GRHL1: variants seen among roughly 807,000 people sequenced by gnomAD.
The protein encoded by GRHL1 is grainyhead like transcription factor 1.
A neutral mutation model predicts 75.7 loss-of-function variants in GRHL1; 38 were observed. The ratio of observed to expected loss-of-function variants is 0.50; its 90% CI spans 0.39 to 0.66. The LOEUF is 0.66. Ranked by LOEUF, GRHL1 falls within the 30% of genes least tolerant of loss-of-function variation. The pLI is 0.00. For missense variants in GRHL1, 589 were observed against 767.5 expected (o/e 0.77, Z 2.75); for synonymous variants, 266 against 279.4 (o/e 0.95, Z 0.48).
At chr2:9,962,219 T>C (rs1667309117) in intron 4 of GRHL1, among the ~76,000 whole-genome samples, 1 of 152,196 alleles carries the variant, frequency 6.6e-6, no homozygotes, top group Non-Finnish European at 1.5e-5. Context: ...TCAGAAGCAC[T>C]TAGTGGGAGT....
chr2:9,958,928 G>A, intron 3 of GRHL1, 72 bp downstream of exon 3: 1 of 1,573,426 alleles, frequency 6.4e-7, no homozygotes, highest in Non-Finnish European at 8.6e-7. Flanking sequence ...CAAAATGGGA[G>A]TTTGTTTAAA....
chr2:9,969,369 T>G (rs957305713), intron 8 of GRHL1, among the ~76,000 whole-genome samples: 5 of 152,206 alleles, frequency 3.3e-5, no homozygotes, highest in African/African-American at 1.2e-4. Context: ...TGCTATTACG[T>G]GCTTGGTGCT....
At chr2:9,999,169 A>AGTGACACACACCCTGTGCCAGT (rs1553307528) in intron 15 of GRHL1, 140 bp downstream of exon 15, 2 of 345,356 alleles carry the variant, frequency 5.8e-6, no homozygotes, top group African/African-American at 4.4e-5. Context: ...CTCCTGTGCC[A>AGTGACACACACCCTGTGCCAGT]GTGACACACA....
chr2:9,998,009 G>A (rs980847819), intron 14 of GRHL1, among the ~76,000 whole-genome samples: 11 of 152,134 alleles, frequency 7.2e-5, no homozygotes, highest in African/African-American at 2.7e-4. Context: ...AAAGAAAAAG[G>A]GTTTGTGTGG....
chr2:9,966,485 T>TA (rs1351505206), intron 8 of GRHL1: 1 of 152,216 alleles, frequency 6.6e-6, no homozygotes, highest in African/African-American at 2.4e-5. Context: ...TAGTTTTCCT[T>TA]ACAATATTAG....
chr2:9,975,560 G>C (rs991631754), intron 8 of GRHL1, among the ~76,000 whole-genome samples: 3 of 152,092 alleles, frequency 2.0e-5, no homozygotes, highest in Admixed American at 6.5e-5. Context: ...GATGACCTAG[G>C]AGTTCAAGTC....
chr2:9,952,480 G>A (rs1169475563), intron 1 of GRHL1, among the ~76,000 whole-genome samples: 1 of 152,198 alleles, frequency 6.6e-6, no homozygotes, highest in Non-Finnish European at 1.5e-5. Flanking sequence ...ACAGATTACC[G>A]TGTTTTTAGT....
At chr2:9,989,466 TG>T (rs2125239293) in intron 9 of GRHL1, among the ~76,000 whole-genome samples, 1 of 152,340 alleles carries the variant, frequency 6.6e-6, no homozygotes, top group South Asian at 2.1e-4. Flanking sequence ...TTTGTTGTTG[TG>T]GGTTCAGCTG....
intron 8 of GRHL1, among the ~76,000 whole-genome samples, chr2:9,975,707 G>A (rs542905608): frequency 4.0e-5 from 6 of 149,740 alleles, no homozygotes; most frequent in South Asian, 4.2e-4. Context: ...GTGAAACTCC[G>A]TCTCTAGTAA....
chr2:9,998,424 A>ATGTG lies in GRHL1; in HGVS notation c.1678-519_1678-516dup, dbSNP rs373392159. On this transcript the variant is annotated intron_variant, in intron 14 of 15. Transcript: ENST00000324907. ...AAAACAAAAAGTCGAGTGACTATGCATGTGTGTGTGTGTGTGTGTGTGTGT... is the reference window on the plus strand; with the variant it reads ...AAAACAAAAAGTCGAGTGACTATGCATGTGTGTGTGTGTGTGTGTGTGTGTGTGT... 5.6e-3 allele frequency among the ~76,000 whole-genome samples: 192 copies of ATGTG among 34,440 alleles called. 10 individuals are homozygous for ATGTG. The highest frequency in any genetic ancestry group is 0.014 in the Middle Eastern group (1 of 72). The allele number at this position is 34,440 out of a possible 152,430, so 22.6% of individuals were successfully genotyped here.
rs1189384028 is a variant in GRHL1 at position 9,983,286 on chromosome 2, G to A, written c.1111-2838G>A. 2.7e-5 allele frequency among the ~76,000 whole-genome samples: 4 copies of A among 150,766 alleles called. No homozygotes were observed. In the Admixed American group the frequency reaches 2.7e-4, roughly 10 times the overall value. On this transcript the variant is annotated intron_variant, in intron 8 of 15. Transcript: ENST00000324907. Reference sequence around the variant, plus strand: ...TGTCACCTTCTCCTGGGATGTTTGTGTATTTATCTAGGCAAGGTAGCATTT... The same window carrying A: ...TGTCACCTTCTCCTGGGATGTTTGTATATTTATCTAGGCAAGGTAGCATTT...
chr2:9,990,814 A>T lies in GRHL1; in HGVS notation c.1321+67A>T, dbSNP rs775109149. 5 of 1,310,566 alleles carry T rather than the reference A, an allele frequency of 3.8e-6. No individual in the cohort carries two copies. In the Admixed American group the frequency reaches 5.7e-5, roughly 15 times the overall value. The allele number at this position is 1,310,566 out of a possible 1,614,324, so 81.2% of individuals were successfully genotyped here. On this transcript the variant is annotated intron_variant, in intron 10 of 15. Coordinates refer to ENST00000324907, the MANE Select transcript of GRHL1 (RefSeq NM_198182.3). This position sits in a 1 kb window ranked among gnomAD's most constrained non-coding sequence, Gnocchi z 4.2. Reference sequence around the variant, plus strand: ...TAGAAATGTTCCCGGCAAGCTTCAGACCTTTTCCATTGAGAATGGTGGCTG... The same window carrying T: ...TAGAAATGTTCCCGGCAAGCTTCAGTCCTTTTCCATTGAGAATGGTGGCTG...
intron 12 of GRHL1, 35 bp downstream of exon 12, chr2:9,993,279 A>G (rs771632570): frequency 6.5e-7 from 1 of 1,542,556 alleles, no homozygotes; most frequent in Non-Finnish European, 9.0e-7. Flanking sequence ...TTGTTTTAAT[A>G]ATGGAAATGA....
intron 2 of GRHL1, among the ~76,000 whole-genome samples, chr2:9,957,749 A>G (rs1335953905): frequency 1.3e-5 from 2 of 152,170 alleles, no homozygotes; most frequent in African/African-American, 4.8e-5. Flanking sequence ...AGGATGCAGG[A>G]ATAGAATTTT....
intron 14 of GRHL1, among the ~76,000 whole-genome samples, chr2:9,997,794 G>C (rs904359603): frequency 5.3e-5 from 8 of 150,308 alleles, no homozygotes; most frequent in Non-Finnish European, 1.2e-4. Context: ...CTGTACTCCA[G>C]CCTGGCATAG....
intron 3 of GRHL1, chr2:9,959,394 CAT>C (rs1161973152): frequency 2.6e-5 from 4 of 152,372 alleles, no homozygotes; most frequent in Non-Finnish European, 5.9e-5. Context: ...AGGAATGAAA[CAT>C]ATTTAAAGGA....
At chr2:9,996,174 T>C (rs1368389489) in intron 13 of GRHL1, 142 bp from the exon 14 acceptor site, 1 of 712,642 alleles carries the variant, frequency 1.4e-6, no homozygotes, top group African/African-American at 1.8e-5. Flanking sequence ...GAATTGATAT[T>C]GGCTGATGCT....
At chr2:9,996,047 C>A in intron 13 of GRHL1, 77 bp downstream of exon 13, 1 of 967,458 alleles carries the variant, frequency 1.0e-6, no homozygotes, top group Non-Finnish European at 1.7e-6. Flanking sequence ...ATAAATGGTT[C>A]AAGCACATTT....
intron 9 of GRHL1, among the ~76,000 whole-genome samples, chr2:9,988,519 C>T (rs1051848218): frequency 6.6e-5 from 10 of 152,116 alleles, no homozygotes; most frequent in Non-Finnish European, 1.2e-4. Context: ...CCTGTTGGTA[C>T]CCGGCCACGT....
Sources: gnomAD v4.1 joint callset for allele counts (sites outside exome capture counted in the v4.1 genomes callset) on GRCh38, gnomAD v4.1.1 for gene constraint, Gnocchi (gnomAD v3.1) non-coding constraint, MANE v1.5 for transcripts, NCBI Gene and HGNC (gene_info 2026-07-23, HGNC 2026-07-21) for gene names.